The following MARCHF1 variants were observed in gnomAD, a reference collection of about 807,000 sequenced individuals.
MARCHF1 encodes E3 ubiquitin-protein ligase MARCHF1.
Under a neutral mutation model 54.2 loss-of-function variants are expected in MARCHF1, and 40 were observed. That is an observed-to-expected ratio of 0.74 (90% confidence interval 0.57 to 0.96). The LOEUF is 0.96. Ranked by LOEUF, MARCHF1 falls within the 40% of genes least tolerant of loss-of-function variation. The probability of loss-of-function intolerance (pLI) is 0.00; values close to 1 mark genes in which losing one functional copy is unlikely to be tolerated. For missense variants in MARCHF1, 586 were observed against 656.5 expected (o/e 0.89, Z 1.17); for synonymous variants, 236 against 236.3 (o/e 1.00, Z 0.01).
chr4:163,530,065 A>T (rs940573126), intron 9 of MARCHF1: 1 of 152,030 alleles, frequency 6.6e-6, no homozygotes, highest in Non-Finnish European at 1.5e-5. Context: ...TACTTACAAC[A>T]GTGATTAGAG....
At chr4:164,100,334 G>T (rs757179278) in intron 2 of MARCHF1, among the ~76,000 whole-genome samples, 1 of 152,156 alleles carries the variant, frequency 6.6e-6, no homozygotes, top group East Asian at 1.9e-4. Context: ...TGCTTTTGAC[G>T]GTATGTGGTA....
At chr4:163,960,444 G>A (rs1250427903) in intron 3 of MARCHF1, among the ~76,000 whole-genome samples, 1 of 151,970 alleles carries the variant, frequency 6.6e-6, no homozygotes, top group Non-Finnish European at 1.5e-5. Context: ...AGAAAACTTG[G>A]TACATTTACA....
chr4:164,293,994 C>G (rs1384187331), intron 1 of MARCHF1, among the ~76,000 whole-genome samples: 2 of 152,148 alleles, frequency 1.3e-5, no homozygotes, highest in Admixed American at 1.3e-4. Context: ...GCTGCCAGTG[C>G]GGTTAGAATA....
chr4:164,116,220 A>T (rs1755936697), intron 1 of MARCHF1, among the ~76,000 whole-genome samples: 1 of 152,168 alleles, frequency 6.6e-6, no homozygotes, highest in Non-Finnish European at 1.5e-5. Context: ...ATATCATCAT[A>T]ATAAATATAT....
chr4:164,238,544 G>A (rs2111200114), intron 1 of MARCHF1, among the ~76,000 whole-genome samples: 1 of 151,930 alleles, frequency 6.6e-6, no homozygotes, highest in South Asian at 2.1e-4. Context: ...CTTCCTTGGA[G>A]GGTAGATTTT....
chr4:164,213,273 G>A (rs1663908893), intron 1 of MARCHF1, among the ~76,000 whole-genome samples: 1 of 149,912 alleles, frequency 6.7e-6, no homozygotes, highest in African/African-American at 2.4e-5. Context: ...TCACTCTGTG[G>A]CCCAGGCTGG....
At chr4:163,556,783 G>C (rs1234844483) in intron 8 of MARCHF1, among the ~76,000 whole-genome samples, 1 of 151,718 alleles carries the variant, frequency 6.6e-6, no homozygotes, top group African/African-American at 2.4e-5. Flanking sequence ...TCAGTACTTT[G>C]ATATCAAGCA....
chr4:164,110,140 AC>A (rs1208864276), intron 2 of MARCHF1, among the ~76,000 whole-genome samples: 1 of 151,214 alleles, frequency 6.6e-6, no homozygotes, highest in African/African-American at 2.4e-5. Flanking sequence ...ACACACACAC[AC>A]ACACACACAC....
intron 5 of MARCHF1, among the ~76,000 whole-genome samples, chr4:163,631,484 C>T (rs10019116): frequency 0.11 from 16,291 of 152,128 alleles, 1,543 homozygotes; most frequent in African/African-American, 0.25. Flanking sequence ...TGAGCCATGG[C>T]GCCAGGCCAA....
chr4:164,225,831 T>TAAA (rs1732237242), intron 1 of MARCHF1, among the ~76,000 whole-genome samples: 1 of 152,066 alleles, frequency 6.6e-6, no homozygotes, highest in Non-Finnish European at 1.5e-5. Flanking sequence ...CAGGCATAAG[T>TAAA]ACTCATTTAA....
chr4:163,764,170 T>A (rs1338618026), intron 4 of MARCHF1, among the ~76,000 whole-genome samples: 1 of 152,030 alleles, frequency 6.6e-6, no homozygotes, highest in Non-Finnish European at 1.5e-5. Flanking sequence ...TTCCAGCATT[T>A]TGGATTCAAT....
At chr4:163,550,935 T>C (rs1040528367) in intron 8 of MARCHF1, among the ~76,000 whole-genome samples, 9 of 152,188 alleles carry the variant, frequency 5.9e-5, no homozygotes, top group African/African-American at 2.2e-4. Context: ...GACCCTGTAA[T>C]GTGCTTTAAC....
At chr4:164,020,393 T>G (rs1753635471) in intron 2 of MARCHF1, among the ~76,000 whole-genome samples, 1 of 152,222 alleles carries the variant, frequency 6.6e-6, no homozygotes, top group African/African-American at 2.4e-5. Flanking sequence ...AGCATCTATG[T>G]GTGGCAGAAA....
At chr4:163,844,052 T>A (rs1275474555) in intron 4 of MARCHF1, among the ~76,000 whole-genome samples, 1 of 152,026 alleles carries the variant, frequency 6.6e-6, no homozygotes, top group South Asian at 2.1e-4. Context: ...ATCATGAGGG[T>A]TTGTTGTACA....
intron 4 of MARCHF1, among the ~76,000 whole-genome samples, chr4:163,837,665 A>G (rs1749226937): frequency 1.4e-4 from 1 of 7,374 alleles, no homozygotes; most frequent in Non-Finnish European, 4.4e-4. Context: ...TAGCTTCAAA[A>G]TATAAAGAAA....
chr4:164,247,376 A>G lies in MARCHF1; in HGVS notation c.-322-135714T>C, dbSNP rs562478382. Among the ~76,000 whole-genome samples, 1,007 of 150,630 alleles carry G rather than the reference A, an allele frequency of 6.7e-3. 11 individuals are homozygous for G. Among genetic ancestry groups the G allele is most frequent in the African/African-American group, 0.024 (966 of 40,936 alleles). ...ACAAGAACAAAAAACCAAACACCGCATATTCTCACTCATAGGTGGGAATTG... is the reference window on the plus strand; with the variant it reads ...ACAAGAACAAAAAACCAAACACCGCGTATTCTCACTCATAGGTGGGAATTG... On this transcript the variant is annotated intron_variant, in intron 1 of 9. Coordinates refer to ENST00000514618, the MANE Select transcript of MARCHF1 (RefSeq NM_001394959.1).
intron 1 of MARCHF1, among the ~76,000 whole-genome samples, chr4:164,342,702 TG>T (rs1285648582): frequency 1.3e-5 from 2 of 151,932 alleles, no homozygotes; most frequent in Non-Finnish European, 2.9e-5. Context: ...TGCCAAGATA[TG>T]GGAAAAAAAC....
At chr4:163,858,081 T>C (rs1191075012) in intron 3 of MARCHF1, among the ~76,000 whole-genome samples, 1 of 74,414 alleles carries the variant, frequency 1.3e-5, no homozygotes, top group Non-Finnish European at 2.6e-5. Flanking sequence ...CTACAAGCTG[T>C]GTTGCACAAC....
chr4:163,545,048 T>A (rs1407567753), intron 9 of MARCHF1, among the ~76,000 whole-genome samples: 2 of 152,236 alleles, frequency 1.3e-5, no homozygotes, highest in African/African-American at 4.8e-5. Context: ...TATGCCTTAC[T>A]GATTTAGAAA....
Sources: allele counts gnomAD v4.1 joint callset (sites outside exome capture counted in the v4.1 genomes callset), GRCh38; gene constraint gnomAD v4.1.1; transcripts MANE v1.5; gene names NCBI Gene and HGNC (gene_info 2026-07-23, HGNC 2026-07-21).